Variants in ENTREP2 observed in about 807,000 individuals in gnomAD.
ENTREP2 encodes protein ENTREP2.
the ENTREP2 span, among the ~76,000 whole-genome samples, chr15:29,192,644 C>T: frequency 2.0e-5 from 3 of 152,096 alleles, no homozygotes; most frequent in Non-Finnish European, 4.4e-5. Context: ...GGTAAGGTAG[C>T]AGAGAGGTGG....
At chr15:29,357,288 T>C in the ENTREP2 span, among the ~76,000 whole-genome samples, 1 of 152,112 alleles carries the variant, frequency 6.6e-6, no homozygotes, top group South Asian at 2.1e-4. Flanking sequence ...AAGGATTTCT[T>C]AATAAAAGAT....
chr15:29,603,732 G>A, the ENTREP2 span, among the ~76,000 whole-genome samples: 12 of 152,058 alleles, frequency 7.9e-5, no homozygotes, highest in Admixed American at 2.6e-4. Flanking sequence ...TCCGCCGCCC[G>A]GGTTCAAGCG....
the ENTREP2 span, among the ~76,000 whole-genome samples, chr15:29,206,733 A>G: frequency 6.6e-6 from 1 of 152,152 alleles, no homozygotes; most frequent in Non-Finnish European, 1.5e-5. Context: ...GGTGACGCAC[A>G]TACGGTAAAT....
the ENTREP2 span, among the ~76,000 whole-genome samples, chr15:29,187,008 A>C: frequency 1.3e-5 from 2 of 152,146 alleles, no homozygotes; most frequent in African/African-American, 4.8e-5. Flanking sequence ...GTTTGGTATC[A>C]TTCAGCAATA....
chr15:29,609,405 T>C, the ENTREP2 span, among the ~76,000 whole-genome samples: 2 of 150,138 alleles, frequency 1.3e-5, no homozygotes, highest in African/African-American at 4.9e-5. Context: ...TGTAACAGTA[T>C]TAAGAGGTGG....
At chr15:29,136,413 G>C in the ENTREP2 span, 1 of 1,536,248 alleles carries the variant, frequency 6.5e-7, no homozygotes, top group Non-Finnish European at 8.8e-7. Context: ...GGAGGGGGGA[G>C]CTCAGCAGGA....
chr15:29,186,354 T>C, the ENTREP2 span, among the ~76,000 whole-genome samples: 1 of 152,190 alleles, frequency 6.6e-6, no homozygotes, highest in Non-Finnish European at 1.5e-5. Flanking sequence ...CATAGCCATC[T>C]GGGTCCCAGA....
chr15:29,414,160 C>G, the ENTREP2 span, among the ~76,000 whole-genome samples: 5 of 152,190 alleles, frequency 3.3e-5, no homozygotes, highest in African/African-American at 4.8e-5. Flanking sequence ...TAATAGACAT[C>G]TACAGAACTC....
chr15:29,314,656 G>A, the ENTREP2 span, among the ~76,000 whole-genome samples: 5 of 152,024 alleles, frequency 3.3e-5, no homozygotes, highest in East Asian at 5.8e-4. Context: ...TGTGATATTC[G>A]CTTTATTGCA....
At chr15:29,411,686 A>G in the ENTREP2 span, among the ~76,000 whole-genome samples, 33,140 of 152,146 alleles carry the variant, frequency 0.22, 3,962 homozygotes, top group Middle Eastern at 0.39. Flanking sequence ...TTTCAAACAT[A>G]TTTTTCAGCT....
chr15:29,321,901 T>C, the ENTREP2 span, among the ~76,000 whole-genome samples: 8 of 151,914 alleles, frequency 5.3e-5, no homozygotes, highest in African/African-American at 1.7e-4. Flanking sequence ...GATGGATTGA[T>C]AGGTGCAGCA....
At chr15:29,302,812 T>C in the ENTREP2 span, among the ~76,000 whole-genome samples, 1 of 152,200 alleles carries the variant, frequency 6.6e-6, no homozygotes, top group East Asian at 1.9e-4. Flanking sequence ...TTTTTTATGT[T>C]TATTTGTTTA....
chr15:29,428,035 T>C, the ENTREP2 span, among the ~76,000 whole-genome samples: 1 of 152,178 alleles, frequency 6.6e-6, no homozygotes, highest in Admixed American at 6.6e-5. Flanking sequence ...AGATAAAATA[T>C]TGCAGTATGT....
At chr15:29,411,102 C>A in the ENTREP2 span, among the ~76,000 whole-genome samples, 1 of 152,086 alleles carries the variant, frequency 6.6e-6, no homozygotes, top group African/African-American at 2.4e-5. Context: ...TATTAATATC[C>A]CATTCTTCTG....
At chr15:29,452,320 G>A in the ENTREP2 span, among the ~76,000 whole-genome samples, 2 of 152,152 alleles carry the variant, frequency 1.3e-5, no homozygotes, top group African/African-American at 4.8e-5. Flanking sequence ...GGAATCCTGA[G>A]AGAGCAGGGA....
At chr15:29,261,137 G>A in the ENTREP2 span, among the ~76,000 whole-genome samples, 2 of 152,168 alleles carry the variant, frequency 1.3e-5, no homozygotes, top group Non-Finnish European at 2.9e-5. Context: ...CTGCTTGGGA[G>A]GCTAGCGGGG....
At chr15:29,655,612 TTAA>T in the ENTREP2 span, among the ~76,000 whole-genome samples, 1 of 152,092 alleles carries the variant, frequency 6.6e-6, no homozygotes, top group African/African-American at 2.4e-5. Flanking sequence ...ATAACTATTA[TTAA>T]TATGTGAAAG....
At chr15:29,141,541 C>T in the ENTREP2 span, among the ~76,000 whole-genome samples, 1 of 152,156 alleles carries the variant, frequency 6.6e-6, no homozygotes, top group Non-Finnish European at 1.5e-5. Context: ...GCTGCCTGTT[C>T]CTCCAGGTCC....
At chr15:29,336,169 G>T in the ENTREP2 span, among the ~76,000 whole-genome samples, 1 of 143,608 alleles carries the variant, frequency 7.0e-6, no homozygotes, top group Non-Finnish European at 1.5e-5. Context: ...AAAATTCCTT[G>T]CTGGGACATA....
Sources: gnomAD v4.1 joint callset for allele counts (sites outside exome capture counted in the v4.1 genomes callset) on GRCh38, gnomAD v4.1.1 for gene constraint, MANE v1.5 for transcripts, NCBI Gene and HGNC (gene_info 2026-07-23, HGNC 2026-07-21) for gene names.